Variants in PRKAR1B observed in about 807,000 individuals in gnomAD.
The protein encoded by PRKAR1B is protein kinase cAMP-dependent type I regulatory subunit beta.
Under a neutral mutation model 46.5 loss-of-function variants are expected in PRKAR1B, and 22 were observed. The observed-to-expected ratio is 0.47, with a 90% confidence interval of 0.34 to 0.68. PRKAR1B has a LOEUF of 0.68. Among genes scored for constraint, PRKAR1B ranks in the 30% least tolerant of loss-of-function variants. The pLI is 0.01. For synonymous variants in PRKAR1B, 259 were observed against 217.7 expected (o/e 1.19, Z -1.67); for missense variants, 445 against 535.6 (o/e 0.83, Z 1.67).
intron 4 of PRKAR1B, among the ~76,000 whole-genome samples, chr7:611,017 C>T (rs549462752): frequency 4.6e-5 from 7 of 152,310 alleles, no homozygotes; most frequent in South Asian, 2.1e-4. Flanking sequence ...CTGCGGGGGC[C>T]GAGGGCAGAG....
chr7:586,262 T>C (rs1780589491), intron 7 of PRKAR1B, among the ~76,000 whole-genome samples: 2 of 152,210 alleles, frequency 1.3e-5, no homozygotes, highest in Admixed American at 6.5e-5. Context: ...CGGCCCCCAA[T>C]GATCCTCACT....
At chr7:647,758 G>A (rs1206045725) in intron 4 of PRKAR1B, among the ~76,000 whole-genome samples, 1 of 126,770 alleles carries the variant, frequency 7.9e-6, no homozygotes, top group Non-Finnish European at 1.5e-5. Context: ...AGTGAGCCGA[G>A]ATCGCACCAC....
intron 9 of PRKAR1B, among the ~76,000 whole-genome samples, chr7:574,736 G>A (rs1779721387): frequency 6.6e-6 from 1 of 152,154 alleles, no homozygotes; most frequent in Admixed American, 6.5e-5. Context: ...GAGCCACCAC[G>A]CCTGGCCAGC....
chr7:700,123 G>A (rs1008907823), intron 2 of PRKAR1B, among the ~76,000 whole-genome samples: 8 of 152,176 alleles, frequency 5.3e-5, no homozygotes, highest in African/African-American at 1.9e-4. Flanking sequence ...ATACGAGTGT[G>A]AGGTTCAACC....
intron 4 of PRKAR1B, among the ~76,000 whole-genome samples, chr7:653,174 C>T (rs965708730): frequency 1.3e-5 from 2 of 152,198 alleles, no homozygotes; most frequent in African/African-American, 2.4e-5. Context: ...GGCCCAGAGC[C>T]AACGCAGAAG....
In PRKAR1B at chr7:711,395, GTGGACGAT is replaced by G; in HGVS notation, c.103_110del (p.Ile35ProfsTer42). ...GGCGTTCGGGCTTGGAGATGCAGAGGTGGACGATACAGTCTTTGAGGACCTGCTGGATC... is the reference window on the plus strand; with the variant it reads ...GGCGTTCGGGCTTGGAGATGCAGAGGACAGTCTTTGAGGACCTGCTGGATC... On this transcript the variant is annotated frameshift_variant, in exon 2 of 11. Coordinates refer to ENST00000537384, the MANE Select transcript of PRKAR1B (RefSeq NM_001164760.2). LOFTEE classifies it high-confidence loss of function. 1 of 1,614,250 alleles carries G rather than the reference GTGGACGAT, an allele frequency of 6.2e-7. No homozygotes were observed. The highest frequency in any genetic ancestry group is 8.5e-7 in the Non-Finnish European group (1 of 1,180,032).
chr7:611,660 G>T (rs1036351469), intron 4 of PRKAR1B, among the ~76,000 whole-genome samples: 11 of 152,352 alleles, frequency 7.2e-5, no homozygotes, highest in African/African-American at 1.9e-4. Flanking sequence ...TGCCCAGCCC[G>T]GGTCTGACGC....
intron 2 of PRKAR1B, among the ~76,000 whole-genome samples, chr7:694,219 A>T (rs1471097886): frequency 6.6e-6 from 1 of 152,200 alleles, no homozygotes; most frequent in Non-Finnish European, 1.5e-5. Flanking sequence ...CGGGAGGCAC[A>T]GCTTGCAGTG....
At chr7:683,497 C>G (rs1237696317) in intron 2 of PRKAR1B, among the ~76,000 whole-genome samples, 2 of 152,184 alleles carry the variant, frequency 1.3e-5, no homozygotes, top group African/African-American at 4.8e-5. Context: ...TTCCTGCGGA[C>G]TCTGTAGCCA....
intron 1 of PRKAR1B, among the ~76,000 whole-genome samples, chr7:717,944 T>C (rs1308522610): frequency 6.6e-6 from 1 of 151,980 alleles, no homozygotes; most frequent in Non-Finnish European, 1.5e-5. Context: ...CACATATGAT[T>C]CATGGCAACA....
At chr7:711,829 G>C (rs910009728) in intron 1 of PRKAR1B, among the ~76,000 whole-genome samples, 3 of 151,906 alleles carry the variant, frequency 2.0e-5, no homozygotes. Context: ...TGAGGATTCC[G>C]GGTGGGAAGA....
chr7:673,868 G>A (rs1786426779), intron 4 of PRKAR1B, among the ~76,000 whole-genome samples: 2 of 152,204 alleles, frequency 1.3e-5, no homozygotes, highest in Admixed American at 1.3e-4. Flanking sequence ...ACAGGACCAC[G>A]CCCTCCAGAG....
chr7:683,964 C>A (rs1191897115), intron 2 of PRKAR1B, among the ~76,000 whole-genome samples: 2 of 152,122 alleles, frequency 1.3e-5, no homozygotes, highest in Admixed American at 6.5e-5. Flanking sequence ...CACTGATGCC[C>A]ATCTCCGTGT....
intron 7 of PRKAR1B, among the ~76,000 whole-genome samples, chr7:590,815 G>A (rs1000257647): frequency 1.3e-5 from 2 of 152,084 alleles, no homozygotes; most frequent in East Asian, 1.9e-4. Flanking sequence ...TTCTCCACCC[G>A]CTGCGGGTGC....
intron 4 of PRKAR1B, among the ~76,000 whole-genome samples, chr7:673,076 A>AAAAAAAAC (rs1409072522): frequency 2.1e-5 from 3 of 145,102 alleles, no homozygotes; most frequent in Non-Finnish European, 4.5e-5. Flanking sequence ...AAAAAAAAAA[A>AAAAAAAAC]AACACACACA....
chr7:656,353 A>G (rs1785186714), intron 4 of PRKAR1B, among the ~76,000 whole-genome samples: 1 of 152,184 alleles, frequency 6.6e-6, no homozygotes. Flanking sequence ...GGGTGAATGT[A>G]TGGATGCATG....
intron 8 of PRKAR1B, among the ~76,000 whole-genome samples, chr7:581,030 G>C (rs934684531): frequency 2.6e-5 from 4 of 152,170 alleles, no homozygotes. Flanking sequence ...CCAGCTGGGC[G>C]CGGTGGCTCA....
intron 3 of PRKAR1B, among the ~76,000 whole-genome samples, chr7:680,076 T>C (rs1778573915): frequency 6.7e-6 from 1 of 148,636 alleles, no homozygotes; most frequent in African/African-American, 2.5e-5. Context: ...GAGAATGGCA[T>C]GAACCTGGGA....
At chr7:676,501 G>A (rs777755218) in intron 4 of PRKAR1B, among the ~76,000 whole-genome samples, 5 of 152,200 alleles carry the variant, frequency 3.3e-5, no homozygotes, top group Non-Finnish European at 7.3e-5. Context: ...GCCGGAACAC[G>A]AAGCCCACGG....
Sources: allele counts gnomAD v4.1 joint callset (sites outside exome capture counted in the v4.1 genomes callset), GRCh38; gene constraint gnomAD v4.1.1; transcripts MANE v1.5; gene names NCBI Gene and HGNC (gene_info 2026-07-23, HGNC 2026-07-21).